Variants in ZNF595 observed in about 807,000 individuals in gnomAD.
The protein encoded by ZNF595 is zinc finger protein 595.
In ZNF595, 9 loss-of-function variants were observed where a neutral mutation model predicts 19.4. The ratio of observed to expected loss-of-function variants is 0.46; its 90% confidence interval spans 0.28 to 0.81. The LOEUF (loss-of-function observed/expected upper bound fraction) is 0.81. Ranked by LOEUF, ZNF595 falls within the 30% of genes least tolerant of loss-of-function variation. The pLI is 0.11. For synonymous variants in ZNF595, 255 were observed against 255.9 expected (o/e 1.00, Z 0.03); for missense variants, 729 against 736.0 (o/e 0.99, Z 0.11).
At chr4:72,775 A>C (rs1553798065) in intron 3 of ZNF595, among the ~76,000 whole-genome samples, 1 of 152,184 alleles carries the variant, frequency 6.6e-6, no homozygotes, top group African/African-American at 2.4e-5. Flanking sequence ...GGATTCTTCA[A>C]ACACTGAGTT....
intron 3 of ZNF595, among the ~76,000 whole-genome samples, chr4:76,226 G>A (rs974853837): frequency 3.9e-5 from 6 of 152,004 alleles, no homozygotes; most frequent in Non-Finnish European, 7.4e-5. Flanking sequence ...TCTGAGATCC[G>A]TATTTTATTT....
chr4:73,993 C>T (rs1713539450), intron 3 of ZNF595, among the ~76,000 whole-genome samples: 1 of 152,090 alleles, frequency 6.6e-6, no homozygotes, highest in African/African-American at 2.4e-5. Flanking sequence ...GTTCAGCAAA[C>T]TCCATATATT....
chr4:79,759 G>GT (rs1205880757), intron 3 of ZNF595, among the ~76,000 whole-genome samples: 182 of 138,352 alleles, frequency 1.3e-3, no homozygotes, highest in African/African-American at 3.2e-3. Context: ...TTTTAAGCTA[G>GT]TTTTTTTTTT....
chr4:66,211 G>T (rs1460028993), intron 3 of ZNF595, among the ~76,000 whole-genome samples: 1 of 151,088 alleles, frequency 6.6e-6, no homozygotes, highest in African/African-American at 2.4e-5. Context: ...TTAATACACA[G>T]TAATACCTCA....
Position 85,926 on chromosome 4 carries a change from A to G in ZNF595, c.422A>G (p.Gln141Arg). The change falls in exon 4 of 4, where the codon CAG becomes CGG. Residue 141 changes from glutamine (Q) to arginine (R), a missense_variant. This residue lies in a region of ZNF595 where 729 missense variants were observed against 675.3 expected (regional missense o/e 1.08). Coordinates refer to ENST00000610261, the MANE Select transcript of ZNF595 (RefSeq NM_182524.4). Reference protein sequence around the residue: ...NGVYQCLSTTQSKIFQCNTCV... With the variant: ...NGVYQCLSTTRSKIFQCNTCV... ...GTTTACCAGTGCTTGTCAACTACCC[A>G]GAGCAAAATATTTCAATGTAATACA... 3.7e-6 allele frequency: 6 copies of G among 1,613,748 alleles called. No homozygotes were observed. Among genetic ancestry groups the G allele is most frequent in the South Asian group, 3.3e-5 (3 of 91,046 alleles).
chr4:82,072 T>C, intron 3 of ZNF595, among the ~76,000 whole-genome samples: 1 of 152,168 alleles, frequency 6.6e-6, no homozygotes, highest in Middle Eastern at 3.2e-3. Flanking sequence ...TGTATACCCA[T>C]ACTAAATTTT....
At chr4:83,494 C>T (rs1714003772) in intron 3 of ZNF595, among the ~76,000 whole-genome samples, 1 of 151,460 alleles carries the variant, frequency 6.6e-6, no homozygotes, top group South Asian at 2.1e-4. Context: ...GTGGCGGGTA[C>T]CTGTAGTCCC....
At chr4:81,488 T>C (rs1713906630) in intron 3 of ZNF595, among the ~76,000 whole-genome samples, 1 of 152,206 alleles carries the variant, frequency 6.6e-6, no homozygotes, top group Admixed American at 6.5e-5. Flanking sequence ...CTTTTGTGAT[T>C]TGAAGATAAT....
chr4:74,271 A>C (rs1308809775), intron 3 of ZNF595, among the ~76,000 whole-genome samples: 1 of 152,170 alleles, frequency 6.6e-6, no homozygotes, highest in Non-Finnish European at 1.5e-5. Context: ...ATCCTGGAGA[A>C]TGTTCCATGT....
intron 3 of ZNF595, among the ~76,000 whole-genome samples, chr4:84,203 T>C (rs1291581985): frequency 6.6e-6 from 1 of 152,204 alleles, no homozygotes; most frequent in Non-Finnish European, 1.5e-5. Flanking sequence ...ATTTTTATGC[T>C]CTTTAAAATT....
At chr4:64,654 A>G (rs1713005691) in intron 3 of ZNF595, among the ~76,000 whole-genome samples, 1 of 152,352 alleles carries the variant, frequency 6.6e-6, no homozygotes, top group Non-Finnish European at 1.5e-5. Flanking sequence ...TCAAGAACCT[A>G]TTTTGAACAT....
rs1301608882 is a variant in ZNF595 at position 85,885 on chromosome 4, A to G, written c.381A>G (p.Lys127=). The change falls in exon 4 of 4, where the codon AAA becomes AAG. Residue 127 remains lysine, a synonymous_variant. Transcript: ENST00000610261. ...CKRVNECKVQ[K]GVNNGVYQCL... ...GTGTGAATGAGTGTAAGGTGCAGAAAGGAGTTAATAATGGAGTTTACCAGT... is the reference window on the plus strand; with the variant it reads ...GTGTGAATGAGTGTAAGGTGCAGAAGGGAGTTAATAATGGAGTTTACCAGT... The G allele has an allele frequency of 9.3e-6, 15 of 1,613,976 alleles. No homozygotes were observed. Among genetic ancestry groups the G allele is most frequent in the African/African-American group, 1.3e-5 (1 of 74,938 alleles).
At chr4:68,424 A>G (rs1581337397) in intron 3 of ZNF595, 1 of 152,284 alleles carries the variant, frequency 6.6e-6, no homozygotes, top group African/African-American at 2.4e-5. Flanking sequence ...GGCATATCTA[A>G]TAAGCTTTTT....
At position 86,499 on chromosome 4, in the gene ZNF595, A is replaced by G. The variant is rs781809106; in HGVS notation, c.995A>G (p.Asn332Ser). 6.2e-6 allele frequency: 10 copies of G among 1,613,542 alleles called. No individual in the cohort carries two copies. Among genetic ancestry groups the G allele is most frequent in the Non-Finnish European group, 8.5e-6 (10 of 1,179,830 alleles). The change falls in exon 4 of 4, where the codon AAT becomes AGT. Residue 332 changes from asparagine (N) to serine (S), a missense_variant. By Grantham distance (46) the Asn-to-Ser change is conservative. This residue lies in a region of ZNF595 where 729 missense variants were observed against 675.3 expected (regional missense o/e 1.08). Transcript: ENST00000610261. ...TCCAGGAGCCTGAATGAACATAAAA[A>G]TATTCATACTGGCGAAAAACCCTAC... is the stretch of plus-strand genomic sequence containing the variant. ...RQSRSLNEHK[N>S]IHTGEKPYTC... is the part of the protein sequence containing the mutation.
chr4:69,723 T>C (rs1223361416), intron 3 of ZNF595, among the ~76,000 whole-genome samples: 3 of 152,194 alleles, frequency 2.0e-5, no homozygotes, highest in African/African-American at 7.2e-5. Flanking sequence ...ATTTGCTGTT[T>C]AGAAGCTCTT....
chr4:78,109 C>T (rs1306044413), intron 3 of ZNF595, among the ~76,000 whole-genome samples: 3 of 152,132 alleles, frequency 2.0e-5, no homozygotes, highest in South Asian at 4.1e-4. Flanking sequence ...TCCTGGTTCA[C>T]GCCATTCTCC....
rs1167065989 is a variant in ZNF595, at chr4:86,233, G to A, written c.729G>A (p.Leu243=). 3 of 1,610,042 alleles carry A rather than the reference G, an allele frequency of 1.9e-6. No individual in the cohort carries two copies. Among genetic ancestry groups the A allele is most frequent in the Non-Finnish European group, 2.5e-6 (3 of 1,177,724 alleles). The stretch of plus-strand genomic sequence containing the variant: ...AAGCCTTTAGACGGTCCACAGTTCT[G>A]AACGAACATAAGAAAATTCATACTG... ...CGKAFRRSTV[L]NEHKKIHTGE... is the part of the protein sequence containing the mutation. The change falls in exon 4 of 4, where the codon CTG becomes CTA. Residue 243 remains leucine, a synonymous_variant. Transcript: ENST00000610261.
intron 3 of ZNF595, among the ~76,000 whole-genome samples, chr4:71,911 CAA>C (rs561834569): frequency 6.8e-6 from 1 of 147,140 alleles, no homozygotes; most frequent in South Asian, 2.1e-4. Context: ...CAAGGACCTG[CAA>C]AAAAAAAATG....
chr4:81,801 G>A (rs1713920741), intron 3 of ZNF595, among the ~76,000 whole-genome samples: 1 of 152,044 alleles, frequency 6.6e-6, no homozygotes, highest in Non-Finnish European at 1.5e-5. Context: ...CTTCATGGTT[G>A]ACTTACTTCA....
Sources: allele counts gnomAD v4.1 joint callset (sites outside exome capture counted in the v4.1 genomes callset), GRCh38; gene constraint gnomAD v4.1.1; regional missense constraint gnomAD v4.1.1; transcripts MANE v1.5; gene names NCBI Gene and HGNC (gene_info 2026-07-23, HGNC 2026-07-21).